Variants in FMNL3 observed in about 807,000 individuals in gnomAD.
FMNL3 encodes formin-like protein 3.
A neutral mutation model predicts 119.6 loss-of-function variants in FMNL3; 57 were observed. That is an observed-to-expected ratio of 0.48 (90% CI 0.39 to 0.59). FMNL3 has a LOEUF of 0.59. FMNL3 is among the 20% of genes least tolerant of loss of function. FMNL3 has a pLI of 0.00. For missense variants in FMNL3, 1,053 were observed against 1,323.5 expected (o/e 0.80, Z 3.17); for synonymous variants, 491 against 507.3 (o/e 0.97, Z 0.43).
At position 49,674,213 on chromosome 12, in the gene FMNL3, C is replaced by T. The variant is rs973056018; in HGVS notation, c.127-5659G>A. 5.3e-5 allele frequency among the ~76,000 whole-genome samples: 8 copies of T among 152,212 alleles called. No individual in the cohort carries two copies. In the East Asian group the frequency reaches 1.5e-3, roughly 29 times the overall value. ...GAGAAGATAACTTGAAACAGACAGC[C>T]TGAAATGGGCTGAGTCAACTATGAA... is the stretch of plus-strand genomic sequence containing the variant. On this transcript the variant is annotated intron_variant, in intron 1 of 25. Transcript: ENST00000335154.
intron 1 of FMNL3, among the ~76,000 whole-genome samples, chr12:49,681,059 A>C (rs1045458946): frequency 6.6e-6 from 1 of 152,276 alleles, no homozygotes; most frequent in African/African-American, 2.4e-5. Flanking sequence ...GAGTGAAACC[A>C]GCTGAACCAA....
At chr12:49,656,024 C>T (rs1244458386) in intron 9 of FMNL3, among the ~76,000 whole-genome samples, 2 of 152,142 alleles carry the variant, frequency 1.3e-5, no homozygotes, top group Non-Finnish European at 2.9e-5. Context: ...GGGTTCACCG[C>T]ATCAGACTCC....
At chr12:49,686,925 C>A (rs1944478723) in intron 1 of FMNL3, among the ~76,000 whole-genome samples, 1 of 152,176 alleles carries the variant, frequency 6.6e-6, no homozygotes, top group South Asian at 2.1e-4. Context: ...CAGATGAGTA[C>A]TGACTCTGAT....
In FMNL3 at chr12:49,647,780, A is replaced by G. The variant is rs1164352327; in HGVS notation, c.2701T>C (p.Tyr901His). The G allele has an allele frequency of 6.2e-7, 1 of 1,613,852 alleles. No individual in the cohort carries two copies. Among genetic ancestry groups the G allele is most frequent in the Admixed American group, 1.7e-5 (1 of 60,002 alleles). Reference protein sequence around the residue: ...AEEAYNAVVRYFGESPKTTPP... With the variant: ...AEEAYNAVVRHFGESPKTTPP... ...GTAGTCTTGGGACTCTCGCCAAAGT[A>G]GCGCACAACTGCATTGTAGGCCTCC... Residue 901 changes from tyrosine to histidine, a missense_variant, in exon 23 of 26, where the codon TAC (tyrosine) becomes CAC (histidine). Transcript: ENST00000335154. The surrounding 1 kb of genome is among the most constrained non-coding windows in gnomAD (Gnocchi z 4.9).
In FMNL3 at chr12:49,649,335, A is replaced by G; in HGVS notation, c.2309T>C (p.Ile770Thr). ...SQKLKQMLEI[I>T]LALGNYMNSS... is the part of the protein sequence containing the mutation. Reference sequence around the variant, plus strand: ...GTTCATGTAGTTCCCCAGTGCAAGTATGATCTGTCCAAAGAATGTGTGGGA... The same window carrying G: ...GTTCATGTAGTTCCCCAGTGCAAGTGTGATCTGTCCAAAGAATGTGTGGGA... Residue 770 changes from isoleucine (I) to threonine (T), a missense_variant, in exon 20 of 26, where the codon ATA (isoleucine) becomes ACA (threonine). This residue lies in a region of FMNL3 where 324 missense variants were observed against 380.9 expected (regional missense o/e 0.85). Transcript: ENST00000335154. This position sits in a 1 kb window ranked among gnomAD's most constrained non-coding sequence, Gnocchi z 5.6. 1 of 1,614,174 alleles carries G rather than the reference A, an allele frequency of 6.2e-7. No homozygotes were observed. The highest frequency in any genetic ancestry group is 8.5e-7 in the Non-Finnish European group (1 of 1,180,034).
chr12:49,658,507 T>C lies in FMNL3; in HGVS notation c.540A>G (p.Pro180=), dbSNP rs1325792026. The change falls in exon 6 of 26, where the codon CCA becomes CCG. Residue 180 remains proline (P), a synonymous_variant. Transcript: ENST00000335154. ...SWSRSIEDLQ[P]PSALSAPFTN... ...TGAAGGGGGCCGACAGGGCGCTGGG[T>C]GGCTGCAGGTCCTCGATTGACCTGC... 1 of 1,613,662 alleles carries C rather than the reference T, an allele frequency of 6.2e-7. No individual in the cohort carries two copies. Among genetic ancestry groups the C allele is most frequent in the African/African-American group, 1.3e-5 (1 of 75,022 alleles).
Position 49,650,755 on chromosome 12 carries a change from C to T in FMNL3, c.1921G>A (p.Ala641Thr), listed in dbSNP as rs1246385215. The change falls in exon 17 of 26, where the codon GCC becomes ACC. Residue 641 changes from alanine to threonine, a missense_variant. This residue lies in a region of FMNL3 where 445 missense variants were observed against 628.4 expected (regional missense o/e 0.71). Coordinates refer to ENST00000335154, the MANE Select transcript of FMNL3 (RefSeq NM_175736.5). ...KAASKVTLLE[A>T]NRAKNLAITL... ...ATGGCCAGGTTCTTGGCACGATTGG[C>T]TTCCAACAGAGTCACCTTGCTGGCA... The T allele has an allele frequency of 6.2e-7, 1 of 1,614,246 alleles. No individual in the cohort carries two copies. The highest frequency in any genetic ancestry group is 1.7e-5 in the Admixed American group (1 of 60,030).
chr12:49,653,687 T>C, intron 12 of FMNL3, 38 bp downstream of exon 12: 1 of 1,611,646 alleles, frequency 6.2e-7, no homozygotes, highest in Non-Finnish European at 8.5e-7. Flanking sequence ...TGAGCTTCCA[T>C]CAACAGTGGC....
chr12:49,653,041 C>T (rs1943454801), intron 13 of FMNL3, among the ~76,000 whole-genome samples, 185 bp downstream of exon 13: 1 of 152,064 alleles, frequency 6.6e-6, no homozygotes, highest in Non-Finnish European at 1.5e-5. Context: ...TCACACTGGC[C>T]CCACCTTTCC....
At chr12:49,706,924 C>G (rs1447360577) in intron 1 of FMNL3, 131 bp downstream of exon 1, 2 of 1,113,762 alleles carry the variant, frequency 1.8e-6, no homozygotes, top group African/African-American at 1.7e-5. Flanking sequence ...TGGGAAGACA[C>G]TGGAGGCCGG....
intron 6 of FMNL3, among the ~76,000 whole-genome samples, chr12:49,658,171 G>A (rs1943628261): frequency 1.3e-5 from 2 of 152,152 alleles, no homozygotes; most frequent in South Asian, 4.1e-4. Context: ...GAGGAATGAA[G>A]GGCTCCCCCA....
chr12:49,670,563 G>A (rs921471493), intron 1 of FMNL3, among the ~76,000 whole-genome samples: 1 of 152,094 alleles, frequency 6.6e-6, no homozygotes, highest in Non-Finnish European at 1.5e-5. Flanking sequence ...ATTTATACAT[G>A]GAAGAATTTA....
chr12:49,700,661 G>A, intron 1 of FMNL3, among the ~76,000 whole-genome samples: 1 of 139,306 alleles, frequency 7.2e-6, no homozygotes, highest in African/African-American at 2.7e-5. Context: ...GTTACAGTGA[G>A]CCGAGATCGC....
rs200082360 is a variant in FMNL3, at chr12:49,647,700, T to C, written c.2778+3A>G. The C allele has an allele frequency of 1.9e-6, 3 of 1,613,486 alleles. No individual in the cohort carries two copies. The highest frequency in any genetic ancestry group is 2.5e-6 in the Non-Finnish European group (3 of 1,179,430). On this transcript the variant is annotated splice_donor_region_variant and intron_variant, in intron 23 of 25. Transcript: ENST00000335154. This position sits in a 1 kb window ranked among gnomAD's most constrained non-coding sequence, Gnocchi z 4.9. Reference sequence around the variant, plus strand: ...ACTTCTTAAAAAGCTCTCTGCAGCTTACCTTGTAAGAACGAATGAATCGGA... The same window carrying C: ...ACTTCTTAAAAAGCTCTCTGCAGCTCACCTTGTAAGAACGAATGAATCGGA...
chr12:49,706,929 G>T (rs1296705595), intron 1 of FMNL3, 126 bp downstream of exon 1: 2 of 1,155,290 alleles, frequency 1.7e-6, no homozygotes, highest in Non-Finnish European at 2.4e-6. Context: ...AGACACTGGA[G>T]GCCGGGATCC....
At chr12:49,648,379 A>C in intron 21 of FMNL3, 26 bp from the exon 22 acceptor site, 1 of 1,600,842 alleles carries the variant, frequency 6.2e-7, no homozygotes, top group Non-Finnish European at 8.5e-7. Flanking sequence ...CTGGCTGAGG[A>C]ATGCCTAGGG....
At chr12:49,670,089 G>T (rs1282353459) in intron 1 of FMNL3, among the ~76,000 whole-genome samples, 1 of 152,128 alleles carries the variant, frequency 6.6e-6, no homozygotes, top group Non-Finnish European at 1.5e-5. Context: ...TACTGTCCAG[G>T]TTCAGCTCTA....
At chr12:49,676,380 C>CTATAGAATATAGAATAT (rs1944185399) in intron 1 of FMNL3, among the ~76,000 whole-genome samples, 1 of 152,166 alleles carries the variant, frequency 6.6e-6, no homozygotes, top group East Asian at 1.9e-4. Context: ...GGAATATAGA[C>CTATAGAATATAGAATAT]AGTGGACGAA....
chr12:49,666,309 T>C, intron 2 of FMNL3, 102 bp from the exon 3 acceptor site: 2 of 1,022,548 alleles, frequency 2.0e-6, no homozygotes, highest in Non-Finnish European at 1.4e-6. Flanking sequence ...TGAGGGGGAC[T>C]CAGCCTCTCC....
Sources: allele counts gnomAD v4.1 joint callset (sites outside exome capture counted in the v4.1 genomes callset), GRCh38; gene constraint gnomAD v4.1.1; regional missense constraint gnomAD v4.1.1; non-coding constraint Gnocchi (gnomAD v3.1); transcripts MANE v1.5; gene names NCBI Gene and HGNC (gene_info 2026-07-23, HGNC 2026-07-21).